Variants in FOXO3 observed in about 807,000 individuals in gnomAD.
FOXO3 encodes the protein forkhead box O3, also known as forkhead box protein O3.
Under a neutral mutation model 41.9 loss-of-function variants are expected in FOXO3, and 4 were observed. The observed-to-expected ratio is 0.10, with a 90% confidence interval of 0.05 to 0.22. FOXO3 has a LOEUF of 0.22. Ranked by LOEUF, FOXO3 falls within the 10% of genes least tolerant of loss-of-function variation. The probability of loss-of-function intolerance (pLI) is 1.00; values close to 1 mark genes in which losing one functional copy is unlikely to be tolerated. For missense variants in FOXO3, 534 were observed against 906.8 expected, an observed-to-expected ratio of 0.59 and a Z score of 5.28; for synonymous variants, 318 against 389.3, an observed-to-expected ratio of 0.82 and a Z score of 2.16.
intron 1 of FOXO3, among the ~76,000 whole-genome samples, chr6:108,610,450 T>C (rs974990977): frequency 6.6e-6 from 1 of 152,212 alleles, no homozygotes; most frequent in Non-Finnish European, 1.5e-5. Context: ...ACTGGACCGC[T>C]TAGCTTCATG....
At position 108,604,867 on chromosome 6, in the gene FOXO3, C is replaced by T. The variant is rs557372058; in HGVS notation, c.621+43038C>T. Reference sequence around the variant, plus strand: ...TGAGTTTGGTGATTCTAAGCCTTCCCGTTTTGTGACTTGGCTCACTTATGG... The same window carrying T: ...TGAGTTTGGTGATTCTAAGCCTTCCTGTTTTGTGACTTGGCTCACTTATGG... On this transcript the variant is annotated intron_variant, in intron 1 of 2. Transcript: ENST00000406360. Among the ~76,000 whole-genome samples the T allele has an allele frequency of 3.3e-5, 5 of 152,182 alleles. No homozygotes were observed. The East Asian group carries it at 5.8e-4, about 18-fold the overall frequency.
At chr6:108,606,553 G>A (rs1405032956) in intron 1 of FOXO3, among the ~76,000 whole-genome samples, 2 of 152,190 alleles carry the variant, frequency 1.3e-5, no homozygotes, top group Non-Finnish European at 2.9e-5. Flanking sequence ...GCCAGACTAT[G>A]ATTAAGGCTT....
chr6:108,612,168 A>G (rs549076973), intron 1 of FOXO3, among the ~76,000 whole-genome samples: 41 of 152,290 alleles, frequency 2.7e-4, no homozygotes, highest in Non-Finnish European at 7.4e-5. Flanking sequence ...CAATTCTTAC[A>G]TACTGTTTGT....
In FOXO3 at chr6:108,598,457, T is replaced by A. The variant is rs562673956; in HGVS notation, c.621+36628T>A. On this transcript the variant is annotated intron_variant, in intron 1 of 2. Transcript: ENST00000406360. The stretch of plus-strand genomic sequence containing the variant: ...TGAACTGAGGCAACCACAAGCAGGA[T>A]ACATAAAAAAGAACCACTGGCACGC... 2.4e-4 allele frequency among the ~76,000 whole-genome samples: 36 copies of A among 152,114 alleles called. 1 individual carries two copies. The South Asian group carries it at 6.8e-3, about 29-fold the overall frequency.
At chr6:108,597,337 T>C (rs1776913634) in intron 1 of FOXO3, among the ~76,000 whole-genome samples, 1 of 152,204 alleles carries the variant, frequency 6.6e-6, no homozygotes, top group South Asian at 2.1e-4. Context: ...CACACCAGGC[T>C]GAGAATGGGT....
At chr6:108,639,770 A>G (rs1778206265) in intron 1 of FOXO3, among the ~76,000 whole-genome samples, 1 of 152,388 alleles carries the variant, frequency 6.6e-6, no homozygotes, top group East Asian at 1.9e-4. Context: ...TTAAGAAGAC[A>G]AAACTTGAAT....
intron 1 of FOXO3, among the ~76,000 whole-genome samples, chr6:108,651,427 G>T (rs1778544633): frequency 6.6e-6 from 1 of 152,144 alleles, no homozygotes; most frequent in South Asian, 2.1e-4. Flanking sequence ...CAGGGTGTGG[G>T]CCTGTGCGTA....
intron 1 of FOXO3, among the ~76,000 whole-genome samples, chr6:108,573,455 C>CCT (rs1279742201): frequency 6.6e-6 from 1 of 152,180 alleles, no homozygotes; most frequent in Non-Finnish European, 1.5e-5. Flanking sequence ...AGTAACAGCA[C>CCT]CTCTCTGTGT....
At chr6:108,632,425 T>C (rs1777997993) in intron 1 of FOXO3, among the ~76,000 whole-genome samples, 1 of 152,250 alleles carries the variant, frequency 6.6e-6, no homozygotes, top group Non-Finnish European at 1.5e-5. Flanking sequence ...CTTTACCATA[T>C]AATAGCAACT....
At chr6:108,593,196 TTTTA>T (rs1776777733) in intron 1 of FOXO3, among the ~76,000 whole-genome samples, 1 of 152,116 alleles carries the variant, frequency 6.6e-6, no homozygotes, top group Non-Finnish European at 1.5e-5. Flanking sequence ...CAAGATGTTC[TTTTA>T]TTTCCTAGTT....
At chr6:108,627,807 T>G (rs913487618) in intron 1 of FOXO3, among the ~76,000 whole-genome samples, 1 of 152,142 alleles carries the variant, frequency 6.6e-6, no homozygotes, top group Non-Finnish European at 1.5e-5. Flanking sequence ...TTGGACAAGC[T>G]TGGTTTAAAT....
intron 1 of FOXO3, among the ~76,000 whole-genome samples, chr6:108,562,415 C>T (rs991780680): frequency 6.6e-6 from 1 of 152,128 alleles, no homozygotes; most frequent in African/African-American, 2.4e-5. Context: ...TCCTGGACGG[C>T]TTCCTTTCCT....
At chr6:108,670,928 C>T (rs1363457645) in intron 2 of FOXO3, among the ~76,000 whole-genome samples, 1 of 152,218 alleles carries the variant, frequency 6.6e-6, no homozygotes, top group Non-Finnish European at 1.5e-5. Flanking sequence ...TCATTAAGCA[C>T]AGTTCATCTG....
At chr6:108,563,116 A>G (rs1775861216) in intron 1 of FOXO3, among the ~76,000 whole-genome samples, 1 of 152,154 alleles carries the variant, frequency 6.6e-6, no homozygotes, top group Non-Finnish European at 1.5e-5. Context: ...GAACAGTTTA[A>G]TCTTAGTGGA....
intron 2 of FOXO3, among the ~76,000 whole-genome samples, chr6:108,665,954 A>C (rs1244253642): frequency 2.0e-5 from 3 of 152,090 alleles, no homozygotes; most frequent in Non-Finnish European, 4.4e-5. Context: ...ACAGGTTGTG[A>C]ATGGTGATGG....
chr6:108,602,842 G>A (rs1422903236), intron 1 of FOXO3, among the ~76,000 whole-genome samples: 1 of 152,128 alleles, frequency 6.6e-6, no homozygotes, highest in Non-Finnish European at 1.5e-5. Context: ...TCTTTTAATG[G>A]AACTGCTAAG....
At chr6:108,661,218 G>A (rs982893015) in intron 1 of FOXO3, among the ~76,000 whole-genome samples, 1 of 152,026 alleles carries the variant, frequency 6.6e-6, no homozygotes, top group Admixed American at 6.5e-5. Flanking sequence ...CTCCAGCCTG[G>A]GTGACAGAGT....
chr6:108,633,719 A>C (rs902131879), intron 1 of FOXO3, among the ~76,000 whole-genome samples: 1 of 151,622 alleles, frequency 6.6e-6, no homozygotes, highest in African/African-American at 2.4e-5. Flanking sequence ...AGCATGATCT[A>C]CTCTTTTTTG....
intron 1 of FOXO3, among the ~76,000 whole-genome samples, chr6:108,595,291 T>C (rs897682816): frequency 6.6e-6 from 1 of 152,234 alleles, no homozygotes; most frequent in Non-Finnish European, 1.5e-5. Flanking sequence ...GAAGTACTTC[T>C]GAAGGAGGAG....
Sources: gnomAD v4.1 joint callset for allele counts (sites outside exome capture counted in the v4.1 genomes callset) on GRCh38, gnomAD v4.1.1 for gene constraint, MANE v1.5 for transcripts, NCBI Gene and HGNC (gene_info 2026-07-23, HGNC 2026-07-21) for gene names.